Variants in HTR1F observed in about 807,000 individuals in gnomAD.
HTR1F encodes 5-hydroxytryptamine (serotonin) receptor 1F, G protein-coupled.
A neutral mutation model predicts 24.0 loss-of-function variants in HTR1F; 17 were observed. That is an observed-to-expected ratio of 0.71 (90% CI 0.48 to 1.06). The LOEUF (loss-of-function observed/expected upper bound fraction) is 1.06. Among genes scored for constraint, HTR1F ranks in the 50% least tolerant of loss-of-function variants. The pLI, the probability that HTR1F is intolerant of heterozygous loss-of-function variation, is 0.00. For synonymous variants in HTR1F, 186 were observed against 156.8 expected, an observed-to-expected ratio of 1.19 and a Z score of -1.39; for missense variants, 391 against 427.8, an observed-to-expected ratio of 0.91 and a Z score of 0.76.
chr3:87,887,575 A>G (rs1390836760), intron 2 of HTR1F, among the ~76,000 whole-genome samples: 2 of 152,178 alleles, frequency 1.3e-5, no homozygotes, highest in Non-Finnish European at 2.9e-5. Flanking sequence ...CAATCTATCC[A>G]TCTGACAAAG....
rs1704499859 is a variant in HTR1F at position 87,939,151 on chromosome 3, T to C, written c.-42-51557T>C. ...ATAATCGTGTAGTTTTTGTCATTGG[T>C]TCTCTTTATGTGACGGATTACATTT... is the stretch of plus-strand genomic sequence containing the variant. On this transcript the variant is annotated intron_variant, in intron 2 of 2. Coordinates refer to ENST00000319595, the MANE Select transcript of HTR1F (RefSeq NM_001322209.2). Among the ~76,000 whole-genome samples, 3 of 152,216 alleles carry C rather than the reference T, an allele frequency of 2.0e-5. No homozygotes were observed. The South Asian group carries it at 6.2e-4, about 32-fold the overall frequency.
intron 2 of HTR1F, among the ~76,000 whole-genome samples, chr3:87,939,374 C>T (rs530895103): frequency 3.3e-5 from 5 of 152,210 alleles, no homozygotes; most frequent in African/African-American, 7.2e-5. Context: ...GATATCAGGA[C>T]GATGCTGGCC....
intron 2 of HTR1F, among the ~76,000 whole-genome samples, chr3:87,935,953 C>T (rs754390044): frequency 6.6e-5 from 10 of 152,030 alleles, no homozygotes; most frequent in South Asian, 6.2e-4. Flanking sequence ...TGGGTTCAAG[C>T]GATCCTCCTG....
At chr3:87,834,801 A>T (rs1474570801) in intron 2 of HTR1F, among the ~76,000 whole-genome samples, 1 of 152,222 alleles carries the variant, frequency 6.6e-6, no homozygotes, top group Non-Finnish European at 1.5e-5. Flanking sequence ...TAGGAAATTC[A>T]AATTTCAGTG....
rs146000112 is a variant in HTR1F, at chr3:87,946,599, A to ATGTG, written c.-42-44099_-42-44096dup. Among the ~76,000 whole-genome samples, 339 of 142,002 alleles carry ATGTG rather than the reference A, an allele frequency of 2.4e-3. 3 individuals carry two copies. The highest frequency in any genetic ancestry group is 4.0e-3 in the Non-Finnish European group (260 of 65,342). The allele number at this position is 142,002 out of a possible 152,430, so 93.2% of individuals were successfully genotyped here. A position where few individuals can be genotyped will look rare whatever the true frequency, so the allele number is the denominator to read the frequency against. Reference sequence around the variant, plus strand: ...GAAAAGATAGAGGTAATTTACATATATGTGTGTGTGTGTATATATATATAT... The same window carrying ATGTG: ...GAAAAGATAGAGGTAATTTACATATATGTGTGTGTGTGTGTGTATATATATATAT... On this transcript the variant is annotated intron_variant, in intron 2 of 2. Coordinates refer to ENST00000319595, the MANE Select transcript of HTR1F (RefSeq NM_001322209.2).
chr3:87,817,399 A>C (rs1704269298), intron 1 of HTR1F, among the ~76,000 whole-genome samples: 1 of 152,188 alleles, frequency 6.6e-6, no homozygotes, highest in African/African-American at 2.4e-5. Context: ...GATAGTGATA[A>C]TAACTTTCTG....
At chr3:87,815,437 T>A (rs1335329940) in intron 1 of HTR1F, among the ~76,000 whole-genome samples, 1 of 152,236 alleles carries the variant, frequency 6.6e-6, no homozygotes, top group East Asian at 1.9e-4. Flanking sequence ...CAAATGAGCC[T>A]ATGGATTTGT....
intron 2 of HTR1F, among the ~76,000 whole-genome samples, chr3:87,921,774 C>A (rs541293991): frequency 6.6e-6 from 1 of 151,968 alleles, no homozygotes; most frequent in Non-Finnish European, 1.5e-5. Context: ...TCTCTACTTC[C>A]ATGAACAACT....
chr3:87,872,844 G>C (rs1705587691), intron 2 of HTR1F, among the ~76,000 whole-genome samples: 1 of 151,918 alleles, frequency 6.6e-6, no homozygotes, highest in South Asian at 2.1e-4. Flanking sequence ...GGCTTCACAG[G>C]ACAACTCCGC....
At chr3:87,852,267 C>T (rs1396827765) in intron 2 of HTR1F, among the ~76,000 whole-genome samples, 1 of 151,496 alleles carries the variant, frequency 6.6e-6, no homozygotes, top group East Asian at 1.9e-4. Context: ...TAGCTTTTAT[C>T]ATCTTCATTA....
intron 2 of HTR1F, among the ~76,000 whole-genome samples, chr3:87,855,568 G>A (rs183175215): frequency 6.6e-6 from 1 of 152,074 alleles, no homozygotes; most frequent in Admixed American, 6.6e-5. Flanking sequence ...GATGCATTAG[G>A]GGGCCACATT....
chr3:87,931,892 GTTGT>G (rs1276137463), intron 2 of HTR1F, among the ~76,000 whole-genome samples: 1 of 150,536 alleles, frequency 6.6e-6, no homozygotes, highest in Non-Finnish European at 1.5e-5. Context: ...TTTTGATGGG[GTTGT>G]TTTTTTCTTG....
intron 1 of HTR1F, among the ~76,000 whole-genome samples, chr3:87,816,841 A>C (rs988625715): frequency 6.6e-6 from 1 of 151,906 alleles, no homozygotes; most frequent in Non-Finnish European, 1.5e-5. Context: ...ATAATACCTG[A>C]TTTTCTTATT....
At chr3:87,905,733 AGC>A (rs1389665939) in intron 2 of HTR1F, among the ~76,000 whole-genome samples, 5 of 110,580 alleles carry the variant, frequency 4.5e-5, no homozygotes, top group African/African-American at 2.3e-4. Context: ...TACTTTATTT[AGC>A]AAAAAAAAAA....
chr3:87,886,411 T>C (rs1014067810), intron 2 of HTR1F, among the ~76,000 whole-genome samples: 24 of 152,136 alleles, frequency 1.6e-4, no homozygotes, highest in African/African-American at 5.1e-4. Context: ...ACTGGAAGCA[T>C]TCCCTTTGAA....
intron 2 of HTR1F, among the ~76,000 whole-genome samples, chr3:87,858,410 C>T (rs1293666778): frequency 1.3e-5 from 2 of 152,152 alleles, no homozygotes; most frequent in Non-Finnish European, 2.9e-5. Flanking sequence ...CCCGAGAAGA[C>T]AGACCTGTTA....
At chr3:87,940,320 A>G (rs1164271535) in intron 2 of HTR1F, among the ~76,000 whole-genome samples, 2 of 152,200 alleles carry the variant, frequency 1.3e-5, no homozygotes, top group South Asian at 2.1e-4. Context: ...TCCAAAATCA[A>G]TGTGCAAAAA....
chr3:87,852,111 GATTA>G (rs1705099946), intron 2 of HTR1F, among the ~76,000 whole-genome samples: 1 of 151,392 alleles, frequency 6.6e-6, no homozygotes, highest in Non-Finnish European at 1.5e-5. Context: ...GCATTTCCCT[GATTA>G]ATATGAATTT....
intron 2 of HTR1F, among the ~76,000 whole-genome samples, chr3:87,844,465 C>T (rs1309602873): frequency 3.4e-4 from 45 of 132,510 alleles, no homozygotes; most frequent in African/African-American, 1.1e-3. Context: ...AAATTTTCTC[C>T]CATTTTGTAG....
Sources: allele counts gnomAD v4.1 joint callset (sites outside exome capture counted in the v4.1 genomes callset), GRCh38; gene constraint gnomAD v4.1.1; transcripts MANE v1.5; gene names NCBI Gene and HGNC (gene_info 2026-07-23, HGNC 2026-07-21).